The following VTI1A variants were observed in gnomAD, a reference collection of about 807,000 sequenced individuals.
VTI1A encodes vesicle transport through interaction with t-SNAREs homolog 1A.
VTI1A carries 22 observed loss-of-function variants against 34.9 expected under a neutral mutation model. The observed-to-expected ratio is 0.63, with a 90% CI of 0.45 to 0.90. The LOEUF is 0.90. Ranked by LOEUF, VTI1A falls within the 40% of genes least tolerant of loss-of-function variation. The pLI is 0.00. For missense variants in VTI1A, 268 were observed against 275.6 expected, an observed-to-expected ratio of 0.97 and a Z score of 0.20; for synonymous variants, 87 against 97.3, an observed-to-expected ratio of 0.89 and a Z score of 0.62.
chr10:112,692,564 T>C (rs1455926537), intron 7 of VTI1A, among the ~76,000 whole-genome samples: 2 of 152,174 alleles, frequency 1.3e-5, no homozygotes, highest in African/African-American at 4.8e-5. Flanking sequence ...CCATCACTGT[T>C]TTTATTGTGG....
Position 112,763,438 on chromosome 10 carries a change from C to CAAA in VTI1A, c.561-51838_561-51836dup, listed in dbSNP as rs397714967. Among the ~76,000 whole-genome samples, 1,029 of 108,930 alleles carry CAAA rather than the reference C, an allele frequency of 9.4e-3. 13 individuals carry two copies. Among genetic ancestry groups the CAAA allele is most frequent in the African/African-American group, 0.032 (957 of 29,474 alleles). 71.5% of individuals were successfully genotyped at this position (108,930 alleles called of 152,430 possible). ...TGGGCTACAGAGCGAGACACCATCT[C>CAAA]AAAAAAAAAAAAAAAAGGTACCACT... On this transcript the variant is annotated intron_variant, in intron 7 of 7. Coordinates refer to ENST00000393077, the MANE Select transcript of VTI1A (RefSeq NM_145206.4).
At chr10:112,471,093 A>G (rs1055805982) in intron 3 of VTI1A, among the ~76,000 whole-genome samples, 9 of 152,172 alleles carry the variant, frequency 5.9e-5, no homozygotes, top group Non-Finnish European at 1.3e-4. Context: ...TTGTGTTTGT[A>G]GCCCTTCTGA....
intron 3 of VTI1A, among the ~76,000 whole-genome samples, chr10:112,501,510 A>C (rs922569990): frequency 1.3e-5 from 2 of 152,214 alleles, no homozygotes. Context: ...GTAAGAAAGT[A>C]GATATTCTAA....
At chr10:112,734,515 A>G (rs1850385211) in intron 7 of VTI1A, among the ~76,000 whole-genome samples, 1 of 152,138 alleles carries the variant, frequency 6.6e-6, no homozygotes, top group Non-Finnish European at 1.5e-5. Context: ...CATAATACCT[A>G]TCACAGCCAG....
chr10:112,837,942 T>C, the VTI1A span, among the ~76,000 whole-genome samples: 1 of 152,214 alleles, frequency 6.6e-6, no homozygotes, highest in Non-Finnish European at 1.5e-5. Context: ...GGGTTTGACC[T>C]GCATCATCTG....
At chr10:112,743,747 T>G in intron 7 of VTI1A, among the ~76,000 whole-genome samples, 1 of 152,200 alleles carries the variant, frequency 6.6e-6, no homozygotes, top group East Asian at 1.9e-4. Flanking sequence ...GTCTCCTTTT[T>G]GCCTCTCCAG....
Position 112,647,631 on chromosome 10 carries a change from A to G in VTI1A, c.428-20587A>G, listed in dbSNP as rs375769906. Among the ~76,000 whole-genome samples, 4 of 152,338 alleles carry G rather than the reference A, an allele frequency of 2.6e-5. No individual in the cohort carries two copies. In the East Asian group the frequency reaches 5.8e-4, roughly 22 times the overall value. On this transcript the variant is annotated intron_variant, in intron 5 of 7. Coordinates refer to ENST00000393077, the MANE Select transcript of VTI1A (RefSeq NM_145206.4). ...ATATTGTGTTAACTGGTGTTTCATT[A>G]AAGTTGTCAAGACTAAAAGTATGTT...
intron 2 of VTI1A, among the ~76,000 whole-genome samples, chr10:112,463,177 G>C (rs1448869750): frequency 6.6e-6 from 1 of 151,992 alleles, no homozygotes; most frequent in African/African-American, 2.4e-5. Flanking sequence ...TACCTGCCTC[G>C]GCCTCCCGAA....
intron 3 of VTI1A, among the ~76,000 whole-genome samples, chr10:112,469,704 C>T (rs1453953524): frequency 6.6e-6 from 1 of 152,200 alleles, no homozygotes; most frequent in Non-Finnish European, 1.5e-5. Context: ...CCCTGGGCAA[C>T]CTCTAAAATA....
At chr10:112,571,970 TGGAGACAACTAGAAGGG>T (rs1852141846) in intron 5 of VTI1A, among the ~76,000 whole-genome samples, 1 of 152,120 alleles carries the variant, frequency 6.6e-6, no homozygotes, top group Non-Finnish European at 1.5e-5. Flanking sequence ...CAGCAGACAC[TGGAGACAACTAGAAGGG>T]GGAGAGAGGA....
At chr10:112,682,627 T>G (rs1309236119) in intron 7 of VTI1A, among the ~76,000 whole-genome samples, 1 of 152,216 alleles carries the variant, frequency 6.6e-6, no homozygotes. Flanking sequence ...TTGCTAAGCC[T>G]GGTAGACTGA....
chr10:112,507,940 A>G (rs76594838), intron 3 of VTI1A, among the ~76,000 whole-genome samples: 2,206 of 152,280 alleles, frequency 0.014, 50 homozygotes, highest in African/African-American at 0.05. Flanking sequence ...TTTAAGAAAA[A>G]GGTTCATGAT....
chr10:112,696,935 T>G (rs1181914669), intron 7 of VTI1A, among the ~76,000 whole-genome samples: 1 of 152,202 alleles, frequency 6.6e-6, no homozygotes, highest in Non-Finnish European at 1.5e-5. Context: ...GCTTTAATTG[T>G]GTGTTTTCCT....
At chr10:112,804,230 G>A (rs1852985265) in intron 7 of VTI1A, among the ~76,000 whole-genome samples, 1 of 152,172 alleles carries the variant, frequency 6.6e-6, no homozygotes, top group Non-Finnish European at 1.5e-5. Flanking sequence ...GCTCGGCTGT[G>A]CTCAGGAGAC....
intron 5 of VTI1A, among the ~76,000 whole-genome samples, chr10:112,555,315 A>C (rs1851506317): frequency 2.0e-5 from 3 of 152,114 alleles, no homozygotes. Flanking sequence ...TATCATGAAG[A>C]AGCCAAATGC....
chr10:112,527,679 G>A (rs1484428281), intron 4 of VTI1A, among the ~76,000 whole-genome samples: 1 of 150,676 alleles, frequency 6.6e-6, no homozygotes, highest in Admixed American at 6.6e-5. Context: ...TACCCATACA[G>A]AGGAACTGCT....
At chr10:112,605,478 G>A (rs1472237921) in intron 5 of VTI1A, among the ~76,000 whole-genome samples, 1 of 152,148 alleles carries the variant, frequency 6.6e-6, no homozygotes, top group African/African-American at 2.4e-5. Flanking sequence ...AGCTGCTTCT[G>A]AGCGTGTGCT....
chr10:112,547,594 A>G (rs949487937), intron 5 of VTI1A, among the ~76,000 whole-genome samples: 3 of 151,954 alleles, frequency 2.0e-5, no homozygotes, highest in Admixed American at 2.0e-4. Flanking sequence ...AATCATAATC[A>G]TAATAATAAT....
In VTI1A at chr10:112,816,970, G is replaced by A. The variant is rs537554995; in HGVS notation, c.*1587G>A. 9 of 231,710 alleles carry A rather than the reference G, an allele frequency of 3.9e-5. No individual in the cohort carries two copies. The highest frequency in any genetic ancestry group is 1.8e-4 in the South Asian group (1 of 5,510). 14.4% of individuals were successfully genotyped at this position (231,710 alleles called of 1,614,324 possible). Reference sequence around the variant, plus strand: ...TAAATAAAGCTGCAGCCTTTACTTCGGAGGGATGGTGTGGGATTTTGGCCG... The same window carrying A: ...TAAATAAAGCTGCAGCCTTTACTTCAGAGGGATGGTGTGGGATTTTGGCCG... On this transcript the variant is annotated 3_prime_UTR_variant, in exon 8 of 8. Coordinates refer to ENST00000393077, the MANE Select transcript of VTI1A (RefSeq NM_145206.4).
Sources: allele counts gnomAD v4.1 joint callset (sites outside exome capture counted in the v4.1 genomes callset), GRCh38; gene constraint gnomAD v4.1.1; transcripts MANE v1.5; gene names NCBI Gene and HGNC (gene_info 2026-07-23, HGNC 2026-07-21).